GSE1: variants seen among roughly 807,000 people sequenced by gnomAD.
GSE1 encodes genetic suppressor element 1.
In GSE1, 32 loss-of-function variants were observed where a neutral mutation model predicts 112.6. That is an observed-to-expected ratio of 0.28 (90% CI 0.21 to 0.38). The LOEUF is 0.38. GSE1 is among the 10% of genes least tolerant of loss of function. The probability of loss-of-function intolerance (pLI) is 1.00; values close to 1 mark genes in which losing one functional copy is unlikely to be tolerated. For synonymous variants in GSE1, 1,115 were observed against 735.6 expected (o/e 1.52, Z -8.35); for missense variants, 2,348 against 1,699.2 (o/e 1.38, Z -6.71).
At chr16:85,457,470 G>A (rs1278373026) in intron 2 of GSE1, among the ~76,000 whole-genome samples, 3 of 152,220 alleles carry the variant, frequency 2.0e-5, no homozygotes, top group African/African-American at 4.8e-5. Flanking sequence ...TTCTCTGTCC[G>A]GTAGGGTTGG....
intron 1 of GSE1, among the ~76,000 whole-genome samples, chr16:85,353,862 A>G (rs1048240954): frequency 2.0e-5 from 3 of 151,930 alleles, no homozygotes; most frequent in Admixed American, 1.3e-4. Context: ...GTGTGTTCCA[A>G]CCTCCTGTCC....
At chr16:85,437,550 T>C (rs568873330) in intron 2 of GSE1, among the ~76,000 whole-genome samples, 2 of 152,010 alleles carry the variant, frequency 1.3e-5, no homozygotes, top group South Asian at 4.2e-4. Context: ...CTGCGGGTTC[T>C]ACCAAGGAGA....
intron 2 of GSE1, among the ~76,000 whole-genome samples, chr16:85,540,906 C>CA (rs892707854): frequency 7.9e-5 from 12 of 151,508 alleles, no homozygotes; most frequent in Non-Finnish European, 1.2e-4. Flanking sequence ...GACCCTGTCT[C>CA]AAAAAAAAGA....
At chr16:85,281,433 AT>A (rs1285974701) in intron 1 of GSE1, among the ~76,000 whole-genome samples, 1 of 152,118 alleles carries the variant, frequency 6.6e-6, no homozygotes, top group Non-Finnish European at 1.5e-5. Context: ...TATTACTCAT[AT>A]CCCCTCTGTA....
At chr16:85,287,932 G>GCACTCC in intron 1 of GSE1, among the ~76,000 whole-genome samples, 1 of 152,148 alleles carries the variant, frequency 6.6e-6, no homozygotes, top group East Asian at 1.9e-4. Flanking sequence ...GGAAGAAATG[G>GCACTCC]AGATCATCAT....
chr16:85,316,505 G>A (rs772697129), intron 1 of GSE1, among the ~76,000 whole-genome samples: 7 of 152,166 alleles, frequency 4.6e-5, no homozygotes, highest in African/African-American at 1.4e-4. Flanking sequence ...GGTGAAGAGC[G>A]CTCCAGCAGG....
chr16:85,203,915 T>A (rs1379986438), intron 1 of GSE1, among the ~76,000 whole-genome samples: 3 of 152,110 alleles, frequency 2.0e-5, no homozygotes, highest in Non-Finnish European at 2.9e-5. Context: ...TTTTTATTAT[T>A]TCTTGTAGAG....
At chr16:85,650,838 G>A (rs961088311) in intron 3 of GSE1, among the ~76,000 whole-genome samples, 17 of 151,716 alleles carry the variant, frequency 1.1e-4, no homozygotes, top group African/African-American at 2.7e-4. Flanking sequence ...CCGAGGCTGC[G>A]GACGTGGGTG....
chr16:85,259,936 C>G (rs961075848), intron 1 of GSE1, among the ~76,000 whole-genome samples: 2 of 152,228 alleles, frequency 1.3e-5, no homozygotes, highest in African/African-American at 4.8e-5. Context: ...GGATGGTGAC[C>G]ACTCAAGCAC....
At chr16:85,425,271 C>G (rs79830727) in intron 2 of GSE1, among the ~76,000 whole-genome samples, 11,296 of 111,618 alleles carry the variant, frequency 0.1, 788 homozygotes, top group East Asian at 0.46. Context: ...TGAGCAGGTG[C>G]TGGAGGACCC....
intron 1 of GSE1, among the ~76,000 whole-genome samples, chr16:85,346,405 G>A (rs902861480): frequency 3.8e-5 from 5 of 133,126 alleles, no homozygotes; most frequent in Non-Finnish European, 6.4e-5. Context: ...GATGGATGAT[G>A]GGCGGGTGGA....
At chr16:85,581,745 GA>G (rs1435913306) in intron 1 of GSE1, among the ~76,000 whole-genome samples, 1 of 152,150 alleles carries the variant, frequency 6.6e-6, no homozygotes, top group Non-Finnish European at 1.5e-5. Context: ...CCCCTTCAGT[GA>G]GCTCGCCCTT....
At chr16:85,618,821 C>G (rs2048542011) in intron 1 of GSE1, among the ~76,000 whole-genome samples, 1 of 152,218 alleles carries the variant, frequency 6.6e-6, no homozygotes, top group South Asian at 2.1e-4. Context: ...CGACACCTGG[C>G]TAATTTTAAA....
intron 1 of GSE1, among the ~76,000 whole-genome samples, chr16:85,352,918 A>T (rs2046879632): frequency 6.6e-6 from 1 of 152,224 alleles, no homozygotes; most frequent in African/African-American, 2.4e-5. Context: ...TGTTTCTGAC[A>T]CACACAGCTC....
intron 1 of GSE1, among the ~76,000 whole-genome samples, chr16:85,224,209 A>G (rs115428181): frequency 0.011 from 1,682 of 148,070 alleles, 30 homozygotes; most frequent in African/African-American, 0.04. Context: ...CTGTAGAAAA[A>G]CCTGCCCTTG....
intron 2 of GSE1, among the ~76,000 whole-genome samples, chr16:85,366,716 A>G (rs2151589942): frequency 6.6e-6 from 1 of 152,240 alleles, no homozygotes; most frequent in East Asian, 1.9e-4. Context: ...TCTGTCTGTG[A>G]CTGGTTTAGA....
chr16:85,457,864 G>A lies in GSE1; in HGVS notation c.2464+100221G>A, dbSNP rs116958815. Among the ~76,000 whole-genome samples the A allele has an allele frequency of 3.3e-3, 506 of 152,346 alleles. 7 individuals carry two copies. The East Asian group carries it at 0.072, about 22-fold the overall frequency. The stretch of plus-strand genomic sequence containing the variant: ...AACCAACATTTATTAAGGACTGGCA[G>A]TGTGCAGGGCCCTGTGCGGAGGCTT... On this transcript the variant is annotated intron_variant, in intron 2 of 2. Transcript: ENST00000637419.
chr16:85,625,221 C>A (rs753814638), intron 1 of GSE1, among the ~76,000 whole-genome samples: 16 of 152,196 alleles, frequency 1.1e-4, no homozygotes, highest in Non-Finnish European at 1.6e-4. Context: ...TTCATCTGCC[C>A]GGCCTGCTTC....
chr16:85,324,976 C>T lies in GSE1; in HGVS notation c.2284-32487C>T, dbSNP rs546651118. Among the ~76,000 whole-genome samples the T allele has an allele frequency of 5.9e-5, 9 of 151,980 alleles. No individual in the cohort carries two copies. The East Asian group carries it at 1.2e-3, about 20-fold the overall frequency. On this transcript the variant is annotated intron_variant, in intron 1 of 2. Transcript: ENST00000637419. The stretch of plus-strand genomic sequence containing the variant: ...ATCCCAATTCATTTTTATTTTTATC[C>T]GTTTTTTTTGAGACAAGGTCTCACT...
Sources: allele counts gnomAD v4.1 joint callset (sites outside exome capture counted in the v4.1 genomes callset), GRCh38; gene constraint gnomAD v4.1.1; transcripts MANE v1.5; gene names NCBI Gene and HGNC (gene_info 2026-07-23, HGNC 2026-07-21).